Variants in ERCC5 observed in about 807,000 individuals in gnomAD.
The protein encoded by ERCC5 is DNA excision repair protein ERCC-5.
A neutral mutation model predicts 105.6 loss-of-function variants in ERCC5; 68 were observed. The ratio of observed to expected loss-of-function variants is 0.64; its 90% confidence interval spans 0.53 to 0.79. The LOEUF (loss-of-function observed/expected upper bound fraction) is 0.79, where lower values mean the gene tolerates loss of function less well. ERCC5 is among the 30% of genes least tolerant of loss of function. ERCC5 has a pLI of 0.00. For synonymous variants in ERCC5, 546 were observed against 526.2 expected (o/e 1.04, Z -0.51); for missense variants, 1,373 against 1,426.7 (o/e 0.96, Z 0.61).
chr13:102,866,552 G>A, intron 10 of ERCC5, 80 bp from the exon 11 acceptor site: 1 of 1,600,970 alleles, frequency 6.2e-7, no homozygotes, highest in Non-Finnish European at 8.5e-7. Context: ...ATTACATGAA[G>A]TGGTAGGCAC....
At chr13:102,856,768 C>T (rs945773297) in intron 5 of ERCC5, among the ~76,000 whole-genome samples, 3 of 152,204 alleles carry the variant, frequency 2.0e-5, no homozygotes, top group African/African-American at 7.2e-5. Flanking sequence ...TGGCTGTCAG[C>T]CAGTCTTCCA....
At chr13:102,867,350 A>G (rs1882876319) in intron 11 of ERCC5, among the ~76,000 whole-genome samples, 1 of 152,240 alleles carries the variant, frequency 6.6e-6, no homozygotes, top group African/African-American at 2.4e-5. Context: ...AGTAAAGGAG[A>G]GGAGAGAGTG....
At chr13:102,848,625 T>A in intron 1 of ERCC5, among the ~76,000 whole-genome samples, 1 of 152,146 alleles carries the variant, frequency 6.6e-6, no homozygotes. Flanking sequence ...TCTTTGGGTC[T>A]TATACCGAAA....
chr13:102,866,709 G>C lies in ERCC5; in HGVS notation c.2397G>C (p.Leu799=). ...AGGCGCAGTGCGCCATCCTGGACCT[G>C]ACTGATCAGACTTCCGGAACCATCA... ...EAEAQCAILD[L]TDQTSGTITD... The change falls in exon 11 of 15, where the codon CTG becomes CTC. Residue 799 remains leucine, a synonymous_variant. Coordinates refer to ENST00000652225, the MANE Select transcript of ERCC5 (RefSeq NM_000123.4). 1 of 1,614,256 alleles carries C rather than the reference G, an allele frequency of 6.2e-7. No homozygotes were observed. The highest frequency in any genetic ancestry group is 8.5e-7 in the Non-Finnish European group (1 of 1,180,052).
chr13:102,862,353 A>G lies in ERCC5; in HGVS notation c.1204A>G (p.Lys402Glu), dbSNP rs199587242. 3 of 1,614,158 alleles carry G rather than the reference A, an allele frequency of 1.9e-6. No individual in the cohort carries two copies. The highest frequency in any genetic ancestry group is 1.1e-5 in the South Asian group (1 of 91,076). ...AGCTCTTGACGATGACGAAGATGTA[A>G]AAGTGTGTGCTGGGGATGATGTGCA... Reference protein sequence around the residue: ...KRALDDDEDVKVCAGDDVQTG... With the variant: ...KRALDDDEDVEVCAGDDVQTG... Residue 402 changes from lysine to glutamate, a missense_variant, in exon 8 of 15, where the codon AAA (lysine) becomes GAA (glutamate). Lys to Glu is a moderately conservative substitution (Grantham distance 56, BLOSUM62 1). Transcript: ENST00000652225.
At chr13:102,850,432 A>C (rs1882161346) in intron 1 of ERCC5, among the ~76,000 whole-genome samples, 1 of 152,152 alleles carries the variant, frequency 6.6e-6, no homozygotes, top group African/African-American at 2.4e-5. Context: ...GCCCAGTAGC[A>C]GGAAGTGAGC....
At chr13:102,871,906 T>C (rs949586417) in intron 12 of ERCC5, among the ~76,000 whole-genome samples, 5 of 152,132 alleles carry the variant, frequency 3.3e-5, no homozygotes, top group Non-Finnish European at 5.9e-5. Flanking sequence ...TTACTTATTT[T>C]TGAGTTCAGT....
At position 102,865,813 on chromosome 13, in the gene ERCC5, C is replaced by G; in HGVS notation, c.2101C>G (p.Leu701Val). 6.2e-7 allele frequency: 1 copy of G among 1,614,174 alleles called. No homozygotes were observed. Among genetic ancestry groups the G allele is most frequent in the Non-Finnish European group, 8.5e-7 (1 of 1,180,028 alleles). The part of the protein sequence containing the change: ...GEAPAESESL[L>V]RDNSERDDVD... Reference sequence around the variant, plus strand: ...AGCCCCTGCTGAGTCCGAGAGCCTCCTGAGGGACAACTCTGAGAGGGACGA... The same window carrying G: ...AGCCCCTGCTGAGTCCGAGAGCCTCGTGAGGGACAACTCTGAGAGGGACGA... The change falls in exon 9 of 15, where the codon CTG (leucine) becomes GTG (valine). Residue 701 changes from leucine (L) to valine (V), a missense_variant. Around this residue, in one of 3 missense-constraint regions of ERCC5, gnomAD observed 1,004 missense variants for 1,059.7 expected, o/e 0.95. Transcript: ENST00000652225. This position sits in a 1 kb window ranked among gnomAD's most constrained non-coding sequence, Gnocchi z 4.0.
rs771008347 is a variant in ERCC5, at chr13:102,856,055, A to G, written c.471A>G (p.Ser157=). 2.3e-5 allele frequency: 37 copies of G among 1,613,890 alleles called. No homozygotes were observed. In the South Asian group the frequency reaches 4.0e-4, roughly 17 times the overall value. Residue 157 remains serine (S), a synonymous_variant, in exon 5 of 15, where the codon TCA becomes TCG. Coordinates refer to ENST00000652225, the MANE Select transcript of ERCC5 (RefSeq NM_000123.4). ...TAAAAGTATGTTTGACTTTCAGTTC[A>G]GAAGAGGAAGATGAAAAAGAATGGC... The part of the protein sequence containing the change: ...PPLQEEEKHS[S]EEEDEKEWQE...
chr13:102,858,050 G>T (rs1329300369), intron 5 of ERCC5, among the ~76,000 whole-genome samples: 4 of 152,106 alleles, frequency 2.6e-5, no homozygotes, highest in Admixed American at 1.3e-4. Context: ...AGAGGTACCT[G>T]CTAAGTATTT....
chr13:102,846,193 G>C lies in ERCC5; in HGVS notation c.-74G>C. On this transcript the variant is annotated 5_prime_UTR_variant, in exon 1 of 15. Coordinates refer to ENST00000652225, the MANE Select transcript of ERCC5 (RefSeq NM_000123.4). ...GGGAGGGCTTCCTCCCGGGGTCCTA[G>C]GCGGCGGTGCAGTCCGTCGTAGAAG... 1 of 1,302,392 alleles carries C rather than the reference G, an allele frequency of 7.7e-7. No individual in the cohort carries two copies. Among genetic ancestry groups the C allele is most frequent in the Non-Finnish European group, 1.1e-6 (1 of 916,022 alleles). 80.7% of individuals were successfully genotyped at this position (1,302,392 alleles called of 1,614,324 possible). A position where few individuals can be genotyped will look rare whatever the true frequency, so the allele number is the denominator to read the frequency against.
At position 102,872,267 on chromosome 13, in the gene ERCC5, A is replaced by G; in HGVS notation, c.2748A>G (p.Lys916=). ...ATCCTCATGACACCAAAGTGAAAAA[A>G]AAATTACGGACATTGCAACTCACCC... is the stretch of plus-strand genomic sequence containing the variant. ...RPNPHDTKVK[K]KLRTLQLTPG... Residue 916 remains lysine (K), a synonymous_variant, in exon 13 of 15, where the codon AAA becomes AAG. Transcript: ENST00000652225. The G allele has an allele frequency of 6.2e-7, 1 of 1,614,184 alleles. No homozygotes were observed. Among genetic ancestry groups the G allele is most frequent in the South Asian group, 1.1e-5 (1 of 91,076 alleles).
chr13:102,866,739 T>C lies in ERCC5; in HGVS notation c.2427T>C (p.Asp809=). 1.2e-6 allele frequency: 2 copies of C among 1,614,250 alleles called. No individual in the cohort carries two copies. The highest frequency in any genetic ancestry group is 1.7e-6 in the Non-Finnish European group (2 of 1,180,038). Reference sequence around the variant, plus strand: ...ATCAGACTTCCGGAACCATCACTGATGACAGTGATATCTGGCTGTTTGGAG... The same window carrying C: ...ATCAGACTTCCGGAACCATCACTGACGACAGTGATATCTGGCTGTTTGGAG... ...LTDQTSGTIT[D]DSDIWLFGAR... is the part of the protein sequence containing the mutation. Residue 809 remains aspartate, a synonymous_variant, in exon 11 of 15, where the codon GAT becomes GAC. Transcript: ENST00000652225.
chr13:102,850,406 T>C (rs1021628199), intron 1 of ERCC5, among the ~76,000 whole-genome samples: 1 of 152,076 alleles, frequency 6.6e-6, no homozygotes, highest in Non-Finnish European at 1.5e-5. Context: ...CTTAGTGATT[T>C]CTGGGTTTGA....
In ERCC5 at chr13:102,853,753, A is replaced by C; in HGVS notation, c.265-4A>C. On this transcript the variant is annotated splice_region_variant and splice_polypyrimidine_tract_variant and intron_variant, in intron 2 of 14. Transcript: ENST00000652225. ...GTGAGATCTTACATCCTTTCTTCTC[A>C]TAGGTGAAGAGAAGGCAGAGAAAGG... is the stretch of plus-strand genomic sequence containing the variant. The C allele has an allele frequency of 1.9e-6, 3 of 1,609,634 alleles. No homozygotes were observed. Among genetic ancestry groups the C allele is most frequent in the Non-Finnish European group, 1.7e-6 (2 of 1,175,974 alleles).
At chr13:102,863,124 A>G in intron 8 of ERCC5, 21 bp downstream of exon 8, 1 of 1,609,108 alleles carries the variant, frequency 6.2e-7, no homozygotes, top group Non-Finnish European at 8.5e-7. Flanking sequence ...GTGCTTTTGT[A>G]GAAATCTGGA....
rs1226184980 is a variant in ERCC5 at position 102,862,465 on chromosome 13, G to C, written c.1316G>C (p.Gly439Ala). ...DEGLKVRDGK[G>A]IPFTATLASS... is the part of the protein sequence containing the mutation. ...GGACTTAAAGTGAGAGATGGAAAAG[G>C]AATACCGTTTACTGCAACACTTGCG... is the stretch of plus-strand genomic sequence containing the variant. The change falls in exon 8 of 15, where the codon GGA becomes GCA. Residue 439 changes from glycine (G) to alanine (A), a missense_variant. By Grantham distance (60) the Gly-to-Ala change is moderately conservative. Coordinates refer to ENST00000652225, the MANE Select transcript of ERCC5 (RefSeq NM_000123.4). 1.2e-6 allele frequency: 2 copies of C among 1,614,144 alleles called. 1 individual carries two copies. Among genetic ancestry groups the C allele is most frequent in the South Asian group, 2.2e-5 (2 of 91,080 alleles).
rs185940018 is a variant in ERCC5 at position 102,864,427 on chromosome 13, C to G, written c.1955-1240C>G. On this transcript the variant is annotated intron_variant, in intron 8 of 14. Coordinates refer to ENST00000652225, the MANE Select transcript of ERCC5 (RefSeq NM_000123.4). ...ATCCTCCTATGAGGAAGATCTTTTC[C>G]TTCTCCCCATTTATTTTTATTATTT... Among the ~76,000 whole-genome samples the G allele has an allele frequency of 1.4e-4, 21 of 152,098 alleles. No homozygotes were observed. In the East Asian group the frequency reaches 4.1e-3, roughly 29 times the overall value.
chr13:102,846,754 A>T (rs924222979), intron 1 of ERCC5, among the ~76,000 whole-genome samples: 1 of 150,572 alleles, frequency 6.6e-6, no homozygotes, highest in Non-Finnish European at 1.5e-5. Flanking sequence ...TTATTTATTT[A>T]TTTTTTTCCA....
Sources: gnomAD v4.1 joint callset for allele counts (sites outside exome capture counted in the v4.1 genomes callset) on GRCh38, gnomAD v4.1.1 for gene constraint, gnomAD v4.1.1 regional missense constraint, Gnocchi (gnomAD v3.1) non-coding constraint, MANE v1.5 for transcripts, NCBI Gene and HGNC (gene_info 2026-07-23, HGNC 2026-07-21) for gene names.